The following ALPK2 variants were observed in gnomAD, a reference collection of about 807,000 sequenced individuals.
The protein encoded by ALPK2 is alpha-protein kinase 2.
In ALPK2, 127 loss-of-function variants were observed where a neutral mutation model predicts 163.1. The observed-to-expected ratio is 0.78, with a 90% CI of 0.67 to 0.90. ALPK2 has a LOEUF of 0.90. Ranked by LOEUF, ALPK2 falls within the 40% of genes least tolerant of loss-of-function variation. The probability of loss-of-function intolerance (pLI) is 0.00; values close to 1 mark genes in which losing one functional copy is unlikely to be tolerated. For synonymous variants in ALPK2, 953 were observed against 959.1 expected (o/e 0.99, Z 0.12); for missense variants, 2,360 against 2,589.6 (o/e 0.91, Z 1.92).
At chr18:58,612,185 C>G (rs1252778196) in intron 1 of ALPK2, among the ~76,000 whole-genome samples, 1 of 152,140 alleles carries the variant, frequency 6.6e-6, no homozygotes, top group African/African-American at 2.4e-5. Flanking sequence ...AGGCAGACCC[C>G]AGAGCACCCA....
chr18:58,578,097 T>A (rs541738724), intron 4 of ALPK2: 2 of 152,248 alleles, frequency 1.3e-5, no homozygotes, highest in African/African-American at 4.8e-5. Flanking sequence ...ATTATTCCTA[T>A]AAATTTAATT....
rs966215600 is a variant in ALPK2 at position 58,536,262 on chromosome 18, C to G, written c.3925G>C (p.Asp1309His). ...SPEDAESALADSRESHKGEEP... is the reference protein window; with the variant it reads ...SPEDAESALAHSRESHKGEEP... ...TCGCCTTTATGGCTTTCTCTGCTAT[C>G]AGCAAGGGCTGACTCAGCATCCTCT... The change falls in exon 5 of 13, where the codon GAT becomes CAT. Residue 1309 changes from aspartate to histidine, a missense_variant. By Grantham distance (81) the Asp-to-His change is moderately conservative. Transcript: ENST00000361673. 1 of 1,614,206 alleles carries G rather than the reference C, an allele frequency of 6.2e-7. No homozygotes were observed. Among genetic ancestry groups the G allele is most frequent in the Non-Finnish European group, 8.5e-7 (1 of 1,180,024 alleles).
intron 1 of ALPK2, among the ~76,000 whole-genome samples, chr18:58,619,656 T>C (rs1163984818): frequency 6.6e-6 from 1 of 152,264 alleles, no homozygotes; most frequent in Non-Finnish European, 1.5e-5. Flanking sequence ...ATCAGCCAAA[T>C]TTGTTTCAGC....
intron 5 of ALPK2, among the ~76,000 whole-genome samples, chr18:58,532,918 A>G (rs8099488): frequency 0.7 from 106,464 of 152,134 alleles, 38,396 homozygotes; most frequent in East Asian, 0.8. Context: ...CCTAACCACC[A>G]TGATACAACT....
chr18:58,520,165 C>T (rs2144129041), intron 8 of ALPK2, among the ~76,000 whole-genome samples: 1 of 152,150 alleles, frequency 6.6e-6, no homozygotes, highest in South Asian at 2.1e-4. Context: ...TGGTGGTTCA[C>T]ACCTGTAATC....
At chr18:58,622,671 T>G (rs73447280) in intron 1 of ALPK2, among the ~76,000 whole-genome samples, 1 of 152,178 alleles carries the variant, frequency 6.6e-6, no homozygotes, top group African/African-American at 2.4e-5. Context: ...GGTTTGAAGT[T>G]GAATGTCATG....
intron 8 of ALPK2, among the ~76,000 whole-genome samples, chr18:58,520,735 A>T (rs2144129621): frequency 6.6e-6 from 1 of 152,366 alleles, no homozygotes; most frequent in East Asian, 1.9e-4. Flanking sequence ...GCTTAGCTTT[A>T]TTAGTTTTTT....
intron 4 of ALPK2, among the ~76,000 whole-genome samples, chr18:58,563,546 G>T (rs1450666386): frequency 3.3e-5 from 5 of 152,090 alleles, no homozygotes; most frequent in African/African-American, 1.2e-4. Context: ...TGTAGCTTTG[G>T]TTCTGCCAAT....
At position 58,537,449 on chromosome 18, in the gene ALPK2, T is replaced by G; in HGVS notation, c.2738A>C (p.Lys913Thr). Residue 913 changes from lysine (K) to threonine (T), a missense_variant, in exon 5 of 13, where the codon AAG (lysine) becomes ACG (threonine). Transcript: ENST00000361673. The stretch of plus-strand genomic sequence containing the variant: ...CAGTGGGTAGGTGGAATTCTCCACC[T>G]TGGCTAGATTTTCTCCTGTGGCACC... Reference protein sequence around the residue: ...SEGATGENLAKVENSTYPLAS... With the variant: ...SEGATGENLATVENSTYPLAS... 1.2e-5 allele frequency: 19 copies of G among 1,612,474 alleles called. No homozygotes were observed. Among genetic ancestry groups the G allele is most frequent in the Non-Finnish European group, 1.6e-5 (19 of 1,178,862 alleles).
intron 1 of ALPK2, among the ~76,000 whole-genome samples, chr18:58,621,822 A>G (rs543071956): frequency 1.3e-5 from 2 of 152,284 alleles, no homozygotes; most frequent in East Asian, 1.9e-4. Context: ...TAACTTTTCA[A>G]TATTAATAGT....
chr18:58,609,553 C>A (rs927743597), intron 2 of ALPK2, among the ~76,000 whole-genome samples: 1 of 152,162 alleles, frequency 6.6e-6, no homozygotes, highest in African/African-American at 2.4e-5. Flanking sequence ...GTTTTTCATT[C>A]AGGCTGATGA....
At position 58,579,934 on chromosome 18, in the gene ALPK2, G is replaced by C. The variant is rs886082211; in HGVS notation, c.842C>G (p.Ala281Gly). ...GGCACTGTCACCTGGGTAAATGTGT[G>C]CAGTTGCCTCAGATAGCGGGAGGCT... ...SFSLPLSEATAHIYPGDSAVA... is the reference protein window; with the variant it reads ...SFSLPLSEATGHIYPGDSAVA... Residue 281 changes from alanine (A) to glycine (G), a missense_variant, in exon 4 of 13, where the codon GCA (alanine) becomes GGA (glycine). Physicochemically the swap from Ala to Gly is moderately conservative, Grantham distance 60. Coordinates refer to ENST00000361673, the MANE Select transcript of ALPK2 (RefSeq NM_052947.4). 1.2e-6 allele frequency: 2 copies of C among 1,614,076 alleles called. No individual in the cohort carries two copies. Among genetic ancestry groups the C allele is most frequent in the African/African-American group, 2.7e-5 (2 of 74,922 alleles).
intron 4 of ALPK2, among the ~76,000 whole-genome samples, chr18:58,541,442 G>A (rs1257926194): frequency 2.6e-5 from 4 of 152,304 alleles, no homozygotes; most frequent in African/African-American, 9.6e-5. Flanking sequence ...CAACATTGGG[G>A]ATTACATCTC....
At chr18:58,604,299 A>G (rs886532269) in intron 3 of ALPK2, among the ~76,000 whole-genome samples, 20 of 152,226 alleles carry the variant, frequency 1.3e-4, no homozygotes, top group African/African-American at 4.3e-4. Context: ...TGAGACTAAT[A>G]TTATAACTAA....
intron 5 of ALPK2, among the ~76,000 whole-genome samples, chr18:58,529,530 G>A (rs1433521307): frequency 6.6e-6 from 1 of 152,114 alleles, no homozygotes; most frequent in Non-Finnish European, 1.5e-5. Flanking sequence ...AGAGGTGGGA[G>A]GATTTTAGAT....
At chr18:58,500,238 G>GA (rs10570591) in intron 11 of ALPK2, among the ~76,000 whole-genome samples, 224 of 114,454 alleles carry the variant, frequency 2.0e-3, no homozygotes, top group African/African-American at 6.8e-3. Context: ...ACTATGCTTT[G>GA]AAAAAAAAAA....
At chr18:58,502,871 C>CGCCA (rs2051439769) in intron 11 of ALPK2, among the ~76,000 whole-genome samples, 3 of 152,252 alleles carry the variant, frequency 2.0e-5, no homozygotes, top group Admixed American at 6.5e-5. Context: ...CCAGAGCAGC[C>CGCCA]GCCAGCTGGT....
intron 4 of ALPK2, among the ~76,000 whole-genome samples, chr18:58,571,051 G>A (rs756173041): frequency 2.6e-5 from 4 of 151,930 alleles, no homozygotes; most frequent in Non-Finnish European, 5.9e-5. Flanking sequence ...TTTTGAGACA[G>A]AGTCTCGCTC....
rs746507769 is a variant in ALPK2, at chr18:58,504,165, C to T, written c.6030-17G>A. On this transcript the variant is annotated splice_polypyrimidine_tract_variant and intron_variant, in intron 10 of 12. Transcript: ENST00000361673. ...GGAATGATCCTGGCAGGGAAGAGAACACAGGCGCACATCAAGGTCTCTACT... is the reference window on the plus strand; with the variant it reads ...GGAATGATCCTGGCAGGGAAGAGAATACAGGCGCACATCAAGGTCTCTACT... 2 of 1,602,020 alleles carry T rather than the reference C, an allele frequency of 1.2e-6. No individual in the cohort carries two copies. Among genetic ancestry groups the T allele is most frequent in the Non-Finnish European group, 1.7e-6 (2 of 1,169,408 alleles).
Sources: allele counts gnomAD v4.1 joint callset (sites outside exome capture counted in the v4.1 genomes callset), GRCh38; gene constraint gnomAD v4.1.1; transcripts MANE v1.5; gene names NCBI Gene and HGNC (gene_info 2026-07-23, HGNC 2026-07-21).